The following EXOC6 variants were observed in gnomAD, a reference collection of about 807,000 sequenced individuals.
EXOC6 encodes exocyst complex component 6, also known as SEC15-like 1.
Under a neutral mutation model 112.5 loss-of-function variants are expected in EXOC6, and 60 were observed. The ratio of observed to expected loss-of-function variants is 0.53; its 90% CI spans 0.43 to 0.66. The LOEUF is 0.66. EXOC6 is among the 30% of genes least tolerant of loss of function. The pLI is 0.00. For missense variants in EXOC6, 855 were observed against 957.1 expected, an observed-to-expected ratio of 0.89 and a Z score of 1.41; for synonymous variants, 295 against 308.0, an observed-to-expected ratio of 0.96 and a Z score of 0.44.
At chr10:92,940,703 CTT>C (rs201561143) in intron 12 of EXOC6, 22 bp from the exon 13 acceptor site, 8,292 of 1,200,550 alleles carry the variant, frequency 6.9e-3, no homozygotes, top group South Asian at 9.5e-3. Context: ...TGTTTATCTG[CTT>C]TTTTTTTTTT....
intron 1 of EXOC6, among the ~76,000 whole-genome samples, chr10:92,870,044 T>C (rs953494224): frequency 1.4e-5 from 2 of 147,976 alleles, no homozygotes; most frequent in Non-Finnish European, 3.0e-5. Flanking sequence ...CTCCGCCTCC[T>C]GGGTTCAAGT....
intron 1 of EXOC6, among the ~76,000 whole-genome samples, chr10:92,868,535 C>T (rs1228907866): frequency 6.6e-6 from 1 of 152,078 alleles, no homozygotes; most frequent in Non-Finnish European, 1.5e-5. Context: ...CCTGGTGACT[C>T]TTCCTTATTT....
At chr10:92,956,662 A>G (rs900637531) in intron 17 of EXOC6, among the ~76,000 whole-genome samples, 1 of 152,140 alleles carries the variant, frequency 6.6e-6, no homozygotes, top group African/African-American at 2.4e-5. Context: ...ATTTCAATAC[A>G]TAAGACACAA....
At chr10:92,902,762 C>T (rs11187209) in intron 5 of EXOC6, among the ~76,000 whole-genome samples, 38,764 of 152,016 alleles carry the variant, frequency 0.25, 6,230 homozygotes, top group East Asian at 0.73. Flanking sequence ...ATACCTCCTT[C>T]CAATTTCTCC....
Position 92,927,077 on chromosome 10 carries a change from T to G in EXOC6, c.889-1262T>G, listed in dbSNP as rs1259356732. 5.9e-5 allele frequency among the ~76,000 whole-genome samples: 9 copies of G among 152,222 alleles called. No homozygotes were observed. The South Asian group carries it at 1.9e-3, about 32-fold the overall frequency. On this transcript the variant is annotated intron_variant, in intron 8 of 21. Coordinates refer to ENST00000260762, the MANE Select transcript of EXOC6 (RefSeq NM_019053.6). ...TATAGGATACCTAGGTAAAAATATT[T>G]TCTGCATTTTAAGTTTACTTTAGAC...
At chr10:92,999,021 G>A (rs1371614378) in intron 19 of EXOC6, among the ~76,000 whole-genome samples, 1 of 151,918 alleles carries the variant, frequency 6.6e-6, no homozygotes, top group East Asian at 1.9e-4. Flanking sequence ...ACAGGTGTGT[G>A]CCAACACACT....
intron 7 of EXOC6, among the ~76,000 whole-genome samples, chr10:92,918,501 A>G (rs545582728): frequency 3.4e-4 from 51 of 152,140 alleles, no homozygotes; most frequent in African/African-American, 1.2e-3. Context: ...TGTAACCTCA[A>G]ACTCTTATGT....
chr10:92,874,576 C>A (rs1045282238), intron 1 of EXOC6, among the ~76,000 whole-genome samples: 1 of 151,614 alleles, frequency 6.6e-6, no homozygotes, highest in African/African-American at 2.4e-5. Context: ...GTGTGTGCAC[C>A]CCCACACATG....
intron 18 of EXOC6, among the ~76,000 whole-genome samples, chr10:92,975,918 T>G (rs183056795): frequency 9.9e-6 from 1 of 100,598 alleles, no homozygotes. Context: ...GGGAGGGAGG[T>G]GGGGGGGTCA....
intron 19 of EXOC6, among the ~76,000 whole-genome samples, chr10:93,002,113 G>C (rs1843783161): frequency 6.6e-6 from 1 of 152,022 alleles, no homozygotes; most frequent in South Asian, 2.1e-4. Flanking sequence ...GAAGCTACAG[G>C]ATTCTATTAT....
chr10:92,988,687 C>T lies in EXOC6; in HGVS notation c.1954-8787C>T, dbSNP rs115092864. On this transcript the variant is annotated intron_variant, in intron 18 of 21. Transcript: ENST00000260762. Reference sequence around the variant, plus strand: ...CCACATATATTTCTGAGGCCGGACACGGTGGCTCATGCCTGTAATCCCAAC... The same window carrying T: ...CCACATATATTTCTGAGGCCGGACATGGTGGCTCATGCCTGTAATCCCAAC... Among the ~76,000 whole-genome samples the T allele has an allele frequency of 3.7e-3, 563 of 152,132 alleles. 3 individuals carry two copies. The highest frequency in any genetic ancestry group is 0.011 in the African/African-American group (465 of 41,490).
intron 20 of EXOC6, among the ~76,000 whole-genome samples, chr10:93,016,453 A>G (rs182250400): frequency 2.7e-4 from 41 of 152,178 alleles, no homozygotes; most frequent in African/African-American, 9.6e-4. Context: ...CTGTGATCCT[A>G]TTTTAATCAA....
At chr10:92,863,950 AAG>A (rs1848042568) in intron 1 of EXOC6, among the ~76,000 whole-genome samples, 1 of 151,728 alleles carries the variant, frequency 6.6e-6, no homozygotes, top group Non-Finnish European at 1.5e-5. Flanking sequence ...ACAAAAAAAA[AAG>A]AAAAAAAACC....
intron 1 of EXOC6, among the ~76,000 whole-genome samples, chr10:92,878,804 C>G (rs942496340): frequency 2.6e-5 from 4 of 152,140 alleles, no homozygotes; most frequent in Admixed American, 2.6e-4. Flanking sequence ...TTTTCTCAAT[C>G]TACCTTAAAG....
At chr10:92,902,392 C>T (rs573201939) in intron 5 of EXOC6, among the ~76,000 whole-genome samples, 273 of 152,074 alleles carry the variant, frequency 1.8e-3, no homozygotes, top group African/African-American at 6.0e-3. Flanking sequence ...TCTTCTTTGA[C>T]ATTTTAAAAT....
At chr10:92,987,891 A>G (rs973533064) in intron 18 of EXOC6, among the ~76,000 whole-genome samples, 2 of 152,164 alleles carry the variant, frequency 1.3e-5, no homozygotes, top group Non-Finnish European at 2.9e-5. Context: ...ATTAAGGTGC[A>G]TTTGGAAACT....
At chr10:92,958,331 C>A (rs115432368) in intron 17 of EXOC6, among the ~76,000 whole-genome samples, 353 of 152,262 alleles carry the variant, frequency 2.3e-3, no homozygotes, top group African/African-American at 8.1e-3. Context: ...AGAAATAGTC[C>A]AGTTCTTTCT....
intron 20 of EXOC6, among the ~76,000 whole-genome samples, chr10:93,040,818 C>T (rs1845731185): frequency 6.6e-6 from 1 of 152,160 alleles, no homozygotes; most frequent in East Asian, 1.9e-4. Context: ...AAAATTCTCT[C>T]GTCTTCTGAG....
chr10:92,886,252 A>G (rs1849209478), intron 1 of EXOC6, among the ~76,000 whole-genome samples: 1 of 152,254 alleles, frequency 6.6e-6, no homozygotes, highest in Non-Finnish European at 1.5e-5. Context: ...TTTAAAGAAA[A>G]AAAGAAAAAT....
Sources: allele counts gnomAD v4.1 joint callset (sites outside exome capture counted in the v4.1 genomes callset), GRCh38; gene constraint gnomAD v4.1.1; transcripts MANE v1.5; gene names NCBI Gene and HGNC (gene_info 2026-07-23, HGNC 2026-07-21).